The following ITGBL1 variants were observed in gnomAD, a reference collection of about 807,000 sequenced individuals.
ITGBL1 encodes the protein integrin beta-like protein 1.
Under a neutral mutation model 68.5 loss-of-function variants are expected in ITGBL1, and 51 were observed. The ratio of observed to expected loss-of-function variants is 0.74; its 90% CI spans 0.59 to 0.94. The LOEUF is 0.94. Among genes scored for constraint, ITGBL1 ranks in the 40% least tolerant of loss-of-function variants. The pLI is 0.00. For missense variants in ITGBL1, 649 were observed against 647.4 expected, an observed-to-expected ratio of 1.00 and a Z score of -0.03; for synonymous variants, 209 against 227.3, an observed-to-expected ratio of 0.92 and a Z score of 0.72.
rs1205534655 is a variant in ITGBL1 at position 101,453,938 on chromosome 13, C to G, written c.154C>G (p.Arg52Gly). The change falls in exon 2 of 11, where the codon CGC becomes GGC. Residue 52 changes from arginine (R) to glycine (G), a missense_variant. By Grantham distance (125) the Arg-to-Gly change is moderately radical (BLOSUM62 -2). Transcript: ENST00000376180. ...CCGGGCCGAGTCGGAGCGACGCTGCCGCGCACCTGGGCAGCCCCCGGGGGC... is the reference window on the plus strand; with the variant it reads ...CCGGGCCGAGTCGGAGCGACGCTGCGGCGCACCTGGGCAGCCCCCGGGGGC... The part of the protein sequence containing the change: ...LSRAESERRC[R>G]APGQPPGAAL... The G allele has an allele frequency of 1.4e-6, 2 of 1,420,216 alleles. No individual in the cohort carries two copies. Among genetic ancestry groups the G allele is most frequent in the African/African-American group, 1.5e-5 (1 of 67,238 alleles). 88.0% of individuals were successfully genotyped at this position (1,420,216 alleles called of 1,614,324 possible).
chr13:101,466,309 CGTAA>C (rs1292232084), intron 2 of ITGBL1, among the ~76,000 whole-genome samples: 3 of 152,260 alleles, frequency 2.0e-5, no homozygotes, highest in African/African-American at 7.2e-5. Flanking sequence ...GGTGAATCAC[CGTAA>C]GTGACATTTT....
chr13:101,612,251 G>A (rs2031165963), intron 7 of ITGBL1, among the ~76,000 whole-genome samples: 1 of 152,148 alleles, frequency 6.6e-6, no homozygotes, highest in African/African-American at 2.4e-5. Flanking sequence ...GTTGTAAGCT[G>A]CTTAAGATTT....
chr13:101,657,542 C>T (rs187256759), intron 7 of ITGBL1, among the ~76,000 whole-genome samples: 75 of 152,266 alleles, frequency 4.9e-4, no homozygotes, highest in Non-Finnish European at 9.6e-4. Context: ...TGTTTTATTA[C>T]ATTTGAGTCT....
At position 101,607,698 on chromosome 13, in the gene ITGBL1, G is replaced by A. The variant is rs373501089; in HGVS notation, c.1015+9399G>A. Among the ~76,000 whole-genome samples, 9 of 151,964 alleles carry A rather than the reference G, an allele frequency of 5.9e-5. 1 individual carries two copies. Among genetic ancestry groups the A allele is most frequent in the Admixed American group, 3.9e-4 (6 of 15,216 alleles). ...AATTATACAGGTGTGCTCTCCTGCC[G>A]GGGGCTTAAGAAAAGTCTTCTTCCC... On this transcript the variant is annotated intron_variant, in intron 7 of 10. Transcript: ENST00000376180.
intron 2 of ITGBL1, among the ~76,000 whole-genome samples, chr13:101,478,663 T>C (rs2048571575): frequency 6.6e-6 from 1 of 152,092 alleles, no homozygotes; most frequent in East Asian, 1.9e-4. Flanking sequence ...TAAAAATCAA[T>C]AGCACTTCTA....
intron 2 of ITGBL1, among the ~76,000 whole-genome samples, chr13:101,557,708 C>A (rs368980096): frequency 2.7e-4 from 41 of 151,988 alleles, no homozygotes; most frequent in African/African-American, 9.4e-4. Flanking sequence ...TTCCACTGAC[C>A]AATAAATATT....
At chr13:101,459,329 A>G (rs1439724584) in intron 2 of ITGBL1, among the ~76,000 whole-genome samples, 1 of 152,188 alleles carries the variant, frequency 6.6e-6, no homozygotes, top group Non-Finnish European at 1.5e-5. Context: ...CTGTAACAGT[A>G]TCCTTATGGA....
Position 101,715,650 on chromosome 13 carries a change from C to T in ITGBL1, c.1481C>T (p.Pro494Leu), listed in dbSNP as rs1224041765. Residue 494 changes from proline to leucine, a missense_variant, in exon 11 of 11, where the codon CCT becomes CTT. Physicochemically the swap from Pro to Leu is moderately conservative, Grantham distance 98. Transcript: ENST00000376180. ...GAAATCTGGCTTGGCTCAGAATATCCTTAACAATTACATGAGAGAGGTCTG... is the reference window on the plus strand; with the variant it reads ...GAAATCTGGCTTGGCTCAGAATATCTTTAACAATTACATGAGAGAGGTCTG... ...ACEIWLGSEY[P>L] The T allele has an allele frequency of 6.2e-7, 1 of 1,601,308 alleles. No individual in the cohort carries two copies.
At chr13:101,696,689 G>A (rs2139565401) in intron 8 of ITGBL1, among the ~76,000 whole-genome samples, 1 of 152,250 alleles carries the variant, frequency 6.6e-6, no homozygotes, top group South Asian at 2.1e-4. Flanking sequence ...TGTATTGAGA[G>A]TGTCCCTGTG....
At chr13:101,628,958 G>GT (rs1443437905) in intron 7 of ITGBL1, among the ~76,000 whole-genome samples, 4 of 152,036 alleles carry the variant, frequency 2.6e-5, no homozygotes, top group Non-Finnish European at 5.9e-5. Context: ...GTTTCTAACA[G>GT]TTTTTATGTC....
intron 2 of ITGBL1, among the ~76,000 whole-genome samples, chr13:101,543,940 A>G (rs2049764404): frequency 6.6e-6 from 1 of 152,068 alleles, no homozygotes; most frequent in African/African-American, 2.4e-5. Context: ...TGGTTATTCT[A>G]GTTAGCCATT....
chr13:101,644,079 T>C (rs1212554655), intron 7 of ITGBL1, among the ~76,000 whole-genome samples: 1 of 152,166 alleles, frequency 6.6e-6, no homozygotes, highest in African/African-American at 2.4e-5. Flanking sequence ...CGGGGCATAG[T>C]AGCTGCTGTC....
chr13:101,605,397 T>C (rs912343282), intron 7 of ITGBL1, among the ~76,000 whole-genome samples: 1 of 75,420 alleles, frequency 1.3e-5, no homozygotes, highest in African/African-American at 7.3e-5. Flanking sequence ...TGGGCATGTA[T>C]GTGTGTATAT....
chr13:101,534,173 T>G (rs2049530574), intron 2 of ITGBL1, among the ~76,000 whole-genome samples: 1 of 152,038 alleles, frequency 6.6e-6, no homozygotes, highest in African/African-American at 2.4e-5. Flanking sequence ...AAAGAATAGG[T>G]TCAGGGAGTA....
rs570515439 is a variant in ITGBL1 at position 101,577,991 on chromosome 13, T to C, written c.587-1296T>C. ...TTCTTTGAATATCCCAATTATAACT[T>C]ATTTAGACAGAGAACATGGCATTGG... is the stretch of plus-strand genomic sequence containing the variant. On this transcript the variant is annotated intron_variant, in intron 4 of 10. Coordinates refer to ENST00000376180, the MANE Select transcript of ITGBL1 (RefSeq NM_004791.3). Among the ~76,000 whole-genome samples, 3 of 152,316 alleles carry C rather than the reference T, an allele frequency of 2.0e-5. No homozygotes were observed. The East Asian group carries it at 5.8e-4, about 29-fold the overall frequency.
At chr13:101,591,256 CTATGAAA>C (rs1367028185) in intron 6 of ITGBL1, among the ~76,000 whole-genome samples, 1 of 152,162 alleles carries the variant, frequency 6.6e-6, no homozygotes, top group Admixed American at 6.5e-5. Flanking sequence ...ACCCAACAAC[CTATGAAA>C]TATAATTGTT....
chr13:101,646,016 G>T (rs927062688), intron 7 of ITGBL1, among the ~76,000 whole-genome samples: 3 of 152,280 alleles, frequency 2.0e-5, no homozygotes, highest in African/African-American at 7.2e-5. Context: ...TCTGCCTAAT[G>T]AAAGCAGTTA....
intron 7 of ITGBL1, among the ~76,000 whole-genome samples, chr13:101,641,832 G>A (rs1266878801): frequency 6.7e-6 from 1 of 149,422 alleles, no homozygotes; most frequent in Admixed American, 6.7e-5. Flanking sequence ...TTGTTCTTGC[G>A]ATAGTTTACT....
intron 8 of ITGBL1, among the ~76,000 whole-genome samples, chr13:101,705,923 G>C (rs1248136058): frequency 2.0e-5 from 3 of 152,126 alleles, no homozygotes; most frequent in Non-Finnish European, 4.4e-5. Flanking sequence ...CTCTTCGCTA[G>C]GCAAATAGTT....
Sources: gnomAD v4.1 joint callset for allele counts (sites outside exome capture counted in the v4.1 genomes callset) on GRCh38, gnomAD v4.1.1 for gene constraint, MANE v1.5 for transcripts, NCBI Gene and HGNC (gene_info 2026-07-23, HGNC 2026-07-21) for gene names.